ZKSCAN8: variants seen among roughly 807,000 people sequenced by gnomAD.
The protein encoded by ZKSCAN8 is zinc finger with KRAB and SCAN domains 8.
In ZKSCAN8, 27 loss-of-function variants were observed where a neutral mutation model predicts 57.2. That is an observed-to-expected ratio of 0.47 (90% CI 0.35 to 0.65). The LOEUF is 0.65. ZKSCAN8 is among the 30% of genes least tolerant of loss of function. The probability of loss-of-function intolerance (pLI) is 0.01; values close to 1 mark genes in which losing one functional copy is unlikely to be tolerated. For synonymous variants in ZKSCAN8, 214 were observed against 248.7 expected (o/e 0.86, Z 1.31); for missense variants, 597 against 696.3 (o/e 0.86, Z 1.60).
rs150843027 is a variant in ZKSCAN8 at position 28,147,826 on chromosome 6, G to A, written c.-92-490G>A. Reference sequence around the variant, plus strand: ...GAGGGGCACAGGTAGGATAAGGAATGTTAGGTGGAGAAGAGCAAAGTGTTA... The same window carrying A: ...GAGGGGCACAGGTAGGATAAGGAATATTAGGTGGAGAAGAGCAAAGTGTTA... On this transcript the variant is annotated intron_variant, in intron 1 of 5. Coordinates refer to ENST00000330236, the MANE Select transcript of ZKSCAN8 (RefSeq NM_006298.4). Among the ~76,000 whole-genome samples, 320 of 152,254 alleles carry A rather than the reference G, an allele frequency of 2.1e-3. 2 individuals carry two copies. The highest frequency in any genetic ancestry group is 6.9e-3 in the African/African-American group (287 of 41,546).
chr6:28,148,169 T>G (rs1025721183), intron 1 of ZKSCAN8, 147 bp from the exon 2 acceptor site: 11 of 411,890 alleles, frequency 2.7e-5, no homozygotes, highest in Non-Finnish European at 4.4e-5. Context: ...GTTAAGGAAG[T>G]AAGAAGTTAT....
chr6:28,152,228 C>T (rs1765614024), intron 4 of ZKSCAN8, 33 bp from the exon 5 acceptor site: 2 of 1,585,490 alleles, frequency 1.3e-6, no homozygotes, highest in Non-Finnish European at 1.7e-6. Context: ...GGAACAGTCC[C>T]AGTCCCCAAA....
rs749623865 is a variant in ZKSCAN8, at chr6:28,153,486, G to A, written c.1206G>A (p.Gly402=). ...GLILHQRIHT[G]EKPYQCNQCG... ...TTCTGCACCAGAGAATCCACACTGGGGAGAAGCCATATCAGTGCAATCAGT... is the reference window on the plus strand; with the variant it reads ...TTCTGCACCAGAGAATCCACACTGGAGAGAAGCCATATCAGTGCAATCAGT... The change falls in exon 6 of 6, where the codon GGG becomes GGA. Residue 402 remains glycine, a synonymous_variant. Coordinates refer to ENST00000330236, the MANE Select transcript of ZKSCAN8 (RefSeq NM_006298.4). 1.2e-6 allele frequency: 2 copies of A among 1,612,006 alleles called. No homozygotes were observed. The highest frequency in any genetic ancestry group is 1.3e-5 in the African/African-American group (1 of 74,800).
chr6:28,150,356 A>C lies in ZKSCAN8; in HGVS notation c.559+732A>C, dbSNP rs535555253. On this transcript the variant is annotated intron_variant, in intron 3 of 5. Transcript: ENST00000330236. The stretch of plus-strand genomic sequence containing the variant: ...CATATATATTTGGCAGGAACACCTC[A>C]CCCTGCCAAGGATACATGACCTAAA... 8.7e-4 allele frequency among the ~76,000 whole-genome samples: 133 copies of C among 152,220 alleles called. 1 individual carries two copies. The highest frequency in any genetic ancestry group is 3.0e-3 in the African/African-American group (124 of 41,534).
At chr6:28,151,287 A>C (rs1026455924) in intron 3 of ZKSCAN8, among the ~76,000 whole-genome samples, 1 of 152,096 alleles carries the variant, frequency 6.6e-6, no homozygotes. Flanking sequence ...TGTGATTTAG[A>C]GTAGTTTATA....
rs1414314206 is a variant in ZKSCAN8, at chr6:28,158,845, C to T, written c.*4828C>T. 1.3e-5 allele frequency: 2 copies of T among 152,220 alleles called. No individual in the cohort carries two copies. Among genetic ancestry groups the T allele is most frequent in the East Asian group, 1.9e-4 (1 of 5,182 alleles). The allele number at this position is 152,220 out of a possible 1,614,324, so 9.4% of individuals were successfully genotyped here. ...CACCCAGTAGATAATTTTTCAAAGACGATCCTCCTCAAACACCCATTTTTA... is the reference window on the plus strand; with the variant it reads ...CACCCAGTAGATAATTTTTCAAAGATGATCCTCCTCAAACACCCATTTTTA... On this transcript the variant is annotated 3_prime_UTR_variant, in exon 6 of 6. Transcript: ENST00000330236.
chr6:28,149,038 CTG>C (rs1169849796), intron 2 of ZKSCAN8, among the ~76,000 whole-genome samples: 62 of 152,240 alleles, frequency 4.1e-4, no homozygotes, highest in African/African-American at 1.3e-3. Context: ...ATCCCTACGA[CTG>C]TATTGTTCTT....
chr6:28,156,357 G>C lies in ZKSCAN8; in HGVS notation c.*2340G>C. On this transcript the variant is annotated 3_prime_UTR_variant, in exon 6 of 6. Transcript: ENST00000330236. Reference sequence around the variant, plus strand: ...CTAGCTAAAGTCTCTTTATGTGTCAGTATTAAGAGTAATATGTAGCCAGAT... The same window carrying C: ...CTAGCTAAAGTCTCTTTATGTGTCACTATTAAGAGTAATATGTAGCCAGAT... 2.5e-6 allele frequency: 1 copy of C among 396,082 alleles called. No individual in the cohort carries two copies. The highest frequency in any genetic ancestry group is 4.4e-6 in the Non-Finnish European group (1 of 224,726). 24.5% of individuals were successfully genotyped at this position (396,082 alleles called of 1,614,324 possible).
chr6:28,151,818 T>A, intron 3 of ZKSCAN8, 27 bp from the exon 4 acceptor site: 1 of 1,589,922 alleles, frequency 6.3e-7, no homozygotes, highest in Non-Finnish European at 8.6e-7. Flanking sequence ...AGGACTGGTC[T>A]CATTCATAGC....
In ZKSCAN8 at chr6:28,155,849, T is replaced by G; in HGVS notation, c.*1832T>G. ...TCAGAATTATCTACATCAATTTCAT[T>G]GAGCCATTGGTGAATGAAGACACCC... On this transcript the variant is annotated 3_prime_UTR_variant, in exon 6 of 6. Transcript: ENST00000330236. 3.4e-6 allele frequency: 1 copy of G among 291,352 alleles called. No individual in the cohort carries two copies. Among genetic ancestry groups the G allele is most frequent in the Non-Finnish European group, 6.3e-6 (1 of 158,740 alleles). The allele number at this position is 291,352 out of a possible 1,614,324, so 18.0% of individuals were successfully genotyped here.
rs1765524431 is a variant in ZKSCAN8 at position 28,149,568 on chromosome 6, T to C, written c.503T>C (p.Leu168Pro). 1 of 1,613,872 alleles carries C rather than the reference T, an allele frequency of 6.2e-7. No homozygotes were observed. Among genetic ancestry groups the C allele is most frequent in the Admixed American group, 1.7e-5 (1 of 59,984 alleles). The change falls in exon 3 of 6, where the codon CTC (leucine) becomes CCC (proline). Residue 168 changes from leucine to proline, a missense_variant. By Grantham distance (98) the Leu-to-Pro change is moderately conservative (BLOSUM62 -3). Transcript: ENST00000330236. The part of the protein sequence containing the change: ...ASAPEPPNTQ[L>P]QSEATQHKSP... ...GCACCAGAGCCTCCAAATACTCAGC[T>C]CCAATCTGAGGCAACCCAACATAAA...
intron 4 of ZKSCAN8, 25 bp downstream of exon 4, chr6:28,151,961 A>G: frequency 6.2e-7 from 1 of 1,608,306 alleles, no homozygotes; most frequent in Non-Finnish European, 8.5e-7. Flanking sequence ...TTCTCACTGA[A>G]ACGCCATAGC....
At chr6:28,152,002 T>C (rs1188472314) in intron 4 of ZKSCAN8, 66 bp downstream of exon 4, 1 of 1,564,250 alleles carries the variant, frequency 6.4e-7, no homozygotes, top group Non-Finnish European at 8.8e-7. Context: ...GCATCTGCCC[T>C]ATATCTTGAC....
chr6:28,151,808 A>C (rs1765598600), intron 3 of ZKSCAN8, 37 bp from the exon 4 acceptor site: 1 of 1,548,526 alleles, frequency 6.5e-7, no homozygotes, highest in African/African-American at 1.4e-5. Flanking sequence ...ACCACAGGAC[A>C]GGACTGGTCT....
intron 4 of ZKSCAN8, 146 bp downstream of exon 4, chr6:28,152,082 C>G: frequency 7.3e-7 from 1 of 1,362,700 alleles, no homozygotes; most frequent in African/African-American, 1.5e-5. Flanking sequence ...ACAGATTGAT[C>G]CTGAATTTCC....
chr6:28,153,860 T>C lies in ZKSCAN8; in HGVS notation c.1580T>C (p.Phe527Ser). The C allele has an allele frequency of 6.2e-7, 1 of 1,614,090 alleles. No homozygotes were observed. Among genetic ancestry groups the C allele is most frequent in the Non-Finnish European group, 8.5e-7 (1 of 1,179,988 alleles). Residue 527 changes from phenylalanine to serine, a missense_variant, in exon 6 of 6, where the codon TTC (phenylalanine) becomes TCC (serine). Transcript: ENST00000330236. ...AAATGTAAAGAATGTGGGAAAGCTTTCAATGGGAACACTGGTCTCATTCAA... is the reference window on the plus strand; with the variant it reads ...AAATGTAAAGAATGTGGGAAAGCTTCCAATGGGAACACTGGTCTCATTCAA... ...PYKCKECGKA[F>S]NGNTGLIQHL...
Position 28,156,962 on chromosome 6 carries a change from T to G in ZKSCAN8, c.*2945T>G, listed in dbSNP as rs1381879285. 1 of 152,262 alleles carries G rather than the reference T, an allele frequency of 6.6e-6. No individual in the cohort carries two copies. Among genetic ancestry groups the G allele is most frequent in the African/African-American group, 2.4e-5 (1 of 41,470 alleles). The allele number at this position is 152,262 out of a possible 1,614,324, so 9.4% of individuals were successfully genotyped here. ...TCTCCAAATAATAATAGCCGACGTT[T>G]ATTGAGCACTTACTATGTGCCCAAC... On this transcript the variant is annotated 3_prime_UTR_variant, in exon 6 of 6. Coordinates refer to ENST00000330236, the MANE Select transcript of ZKSCAN8 (RefSeq NM_006298.4).
intron 3 of ZKSCAN8, 36 bp downstream of exon 3, chr6:28,149,660 A>G (rs535520958): frequency 3.1e-6 from 5 of 1,610,408 alleles, no homozygotes; most frequent in East Asian, 2.2e-5. Flanking sequence ...TAAGGGGGGG[A>G]AGTACAAATA....
rs543421996 is a variant in ZKSCAN8 at position 28,158,641 on chromosome 6, T to C, written c.*4624T>C. On this transcript the variant is annotated 3_prime_UTR_variant, in exon 6 of 6. Coordinates refer to ENST00000330236, the MANE Select transcript of ZKSCAN8 (RefSeq NM_006298.4). Reference sequence around the variant, plus strand: ...TCAGTTTTCTCCTTGAGGCTTGATCTCCCATTTCTCTCATCCCATTATAGC... The same window carrying C: ...TCAGTTTTCTCCTTGAGGCTTGATCCCCCATTTCTCTCATCCCATTATAGC... 4 of 152,292 alleles carry C rather than the reference T, an allele frequency of 2.6e-5. No individual in the cohort carries two copies. The highest frequency in any genetic ancestry group is 9.6e-5 in the African/African-American group (4 of 41,552). 9.4% of individuals were successfully genotyped at this position (152,292 alleles called of 1,614,324 possible). A position where few individuals can be genotyped will look rare whatever the true frequency, so the allele number is the denominator to read the frequency against.
Sources: allele counts gnomAD v4.1 joint callset (sites outside exome capture counted in the v4.1 genomes callset), GRCh38; gene constraint gnomAD v4.1.1; transcripts MANE v1.5; gene names NCBI Gene and HGNC (gene_info 2026-07-23, HGNC 2026-07-21).